The following FGF13 variants were observed in gnomAD, a reference collection of about 807,000 sequenced individuals.
FGF13 encodes the protein fibroblast growth factor 13, also known as fibroblast growth factor homologous factor 2.
Under a neutral mutation model 19.5 loss-of-function variants are expected in FGF13, and 2 were observed. That is an observed-to-expected ratio of 0.10 (90% CI 0.04 to 0.32). FGF13 has a LOEUF of 0.32. FGF13 is among the 10% of genes least tolerant of loss of function. The pLI, the probability that FGF13 is intolerant of heterozygous loss-of-function variation, is 1.00. For missense variants in FGF13, 113 were observed against 192.7 expected (o/e 0.59, Z 2.45); for synonymous variants, 72 against 76.9 (o/e 0.94, Z 0.33).
At position 139,045,577 on chromosome X, in the gene FGF13, T is replaced by C. The variant is rs188555047; in HGVS notation, c.-113+157839A>G. On this transcript the variant is annotated intron_variant, in intron 1 of 2. Coordinates refer to the FGF13 transcript ENST00000421460. ...CTAACTTAAGTCATTCCTTTGCTCC[T>C]GCATCTGAGCATAGGCTATTAGAAG... Among the ~76,000 whole-genome samples the C allele has an allele frequency of 5.6e-4, 63 of 112,681 alleles. 2 individuals carry two copies. The highest frequency in any genetic ancestry group is 2.0e-3 in the African/African-American group (62 of 30,976).
intron 1 of FGF13, among the ~76,000 whole-genome samples, chrX:139,121,548 C>A (rs1381439082): frequency 3.6e-5 from 4 of 110,956 alleles, no homozygotes; most frequent in Admixed American, 2.9e-4. Context: ...CAGGCATGTG[C>A]CACCATGCCT....
At chrX:138,954,095 C>CGAGAGAGAGAGAGAGA (rs199755534) in intron 1 of FGF13, among the ~76,000 whole-genome samples, 71 of 94,186 alleles carry the variant, frequency 7.5e-4, no homozygotes, top group African/African-American at 2.5e-3. Context: ...GTAAATTTAA[C>CGAGAGAGAGAGAGAGA]GAGAGAGAGA....
At chrX:139,061,175 T>C (rs141153806) in intron 1 of FGF13, among the ~76,000 whole-genome samples, 1 of 111,982 alleles carries the variant, frequency 8.9e-6, no homozygotes, top group Non-Finnish European at 1.9e-5. Context: ...TCATCCATGA[T>C]CTTTTTCTAA....
At chrX:139,032,457 TC>T (rs2092230987) in intron 1 of FGF13, among the ~76,000 whole-genome samples, 1 of 111,756 alleles carries the variant, frequency 8.9e-6, no homozygotes, top group Non-Finnish European at 1.9e-5. Flanking sequence ...CCCATTTATC[TC>T]TATACTTCTA....
At chrX:138,845,931 T>C in intron 3 of FGF13, among the ~76,000 whole-genome samples, 1 of 111,397 alleles carries the variant, frequency 9.0e-6, no homozygotes, top group Non-Finnish European at 1.9e-5. Context: ...ATGCCCTTTG[T>C]TCCTTCCTTG....
chrX:138,671,476 G>A (rs1324367468), intron 3 of FGF13, among the ~76,000 whole-genome samples: 3 of 111,566 alleles, frequency 2.7e-5, no homozygotes, highest in Admixed American at 9.6e-5. Flanking sequence ...TTCAATGTCT[G>A]AACTAACTAA....
At chrX:138,773,743 G>A (rs898647562) in intron 3 of FGF13, among the ~76,000 whole-genome samples, 2 of 111,432 alleles carry the variant, frequency 1.8e-5, no homozygotes, top group Non-Finnish European at 3.8e-5. Flanking sequence ...TCAAGGAGGG[G>A]TGATTTTACA....
chrX:139,153,068 C>G (rs1256734059), intron 1 of FGF13, among the ~76,000 whole-genome samples: 1 of 111,225 alleles, frequency 9.0e-6, no homozygotes, highest in Non-Finnish European at 1.9e-5. Flanking sequence ...TAATCTCTAC[C>G]CTTGTGATCA....
intron 1 of FGF13, among the ~76,000 whole-genome samples, chrX:139,004,395 G>T (rs1444499958): frequency 8.9e-6 from 1 of 112,670 alleles, no homozygotes; most frequent in African/African-American, 3.2e-5. Flanking sequence ...CCTGGTTCCT[G>T]CTCGCGCCTC....
At chrX:138,970,312 G>A (rs972332330) in intron 1 of FGF13, among the ~76,000 whole-genome samples, 6 of 111,262 alleles carry the variant, frequency 5.4e-5, no homozygotes, top group Non-Finnish European at 7.5e-5. Context: ...AGAGGAGGGC[G>A]GGCATCAAGA....
chrX:139,085,446 T>C (rs1164150676), intron 1 of FGF13, among the ~76,000 whole-genome samples: 1 of 112,115 alleles, frequency 8.9e-6, no homozygotes, highest in African/African-American at 3.2e-5. Flanking sequence ...ATGTGTCCAA[T>C]AAATATTAGC....
At chrX:138,934,583 G>T (rs2091721803) in intron 1 of FGF13, among the ~76,000 whole-genome samples, 1 of 112,671 alleles carries the variant, frequency 8.9e-6, no homozygotes, top group Admixed American at 9.4e-5. Flanking sequence ...ATGGAGGATG[G>T]CTCTCTGCTT....
chrX:138,676,693 A>G (rs779410864), intron 3 of FGF13, among the ~76,000 whole-genome samples: 4 of 111,619 alleles, frequency 3.6e-5, no homozygotes, highest in Non-Finnish European at 3.8e-5. Flanking sequence ...TAAGGAATAC[A>G]CAACCTAGAT....
chrX:139,103,795 A>G (rs754217836), intron 1 of FGF13, among the ~76,000 whole-genome samples: 22 of 112,338 alleles, frequency 2.0e-4, no homozygotes, highest in African/African-American at 7.1e-4. Context: ...ATTGAATAAC[A>G]TGGGAGAGGG....
intron 1 of FGF13, among the ~76,000 whole-genome samples, chrX:138,878,124 G>C (rs1052553623): frequency 7.3e-5 from 8 of 109,557 alleles, no homozygotes; most frequent in African/African-American, 2.4e-4. Flanking sequence ...ACCCTAATGA[G>C]TGTGAAGTGG....
At chrX:138,720,514 C>T (rs764729622) in intron 1 of FGF13, among the ~76,000 whole-genome samples, 1 of 111,907 alleles carries the variant, frequency 8.9e-6, no homozygotes, top group African/African-American at 3.2e-5. Flanking sequence ...TCTACTGCCT[C>T]TCCAGTGACT....
At position 138,711,102 on chromosome X, in the gene FGF13, G is replaced by C; in HGVS notation, c.-99C>G. ...TGCTTGTCCGCTGTCTCGCGACTTC[G>C]CCGCTTTGGTCTCCTTAGCCTGCGT... is the stretch of plus-strand genomic sequence containing the variant. On this transcript the variant is annotated 5_prime_UTR_variant, in exon 1 of 5. Transcript: ENST00000315930. 2.6e-6 allele frequency: 3 copies of C among 1,153,130 alleles called. No homozygotes were observed. The highest frequency in any genetic ancestry group is 1.8e-5 in the African/African-American group (1 of 56,468).
chrX:138,677,312 C>A (rs1019195234), intron 3 of FGF13, among the ~76,000 whole-genome samples: 9 of 109,694 alleles, frequency 8.2e-5, no homozygotes, highest in African/African-American at 2.7e-4. Flanking sequence ...GCAACAAAAG[C>A]CAAAATTGAC....
chrX:138,668,105 C>T (rs17538941), intron 3 of FGF13, among the ~76,000 whole-genome samples: 1,702 of 111,552 alleles, frequency 0.015, 23 homozygotes, highest in African/African-American at 0.051. Flanking sequence ...TGGACTGTAA[C>T]GGCAAATAAT....
Sources: allele counts gnomAD v4.1 joint callset (sites outside exome capture counted in the v4.1 genomes callset), GRCh38; gene constraint gnomAD v4.1.1; transcripts MANE v1.5; gene names NCBI Gene and HGNC (gene_info 2026-07-23, HGNC 2026-07-21).